GSE1: variants seen among roughly 807,000 people sequenced by gnomAD.
GSE1 encodes the protein genetic suppressor element 1.
GSE1 carries 32 observed loss-of-function variants against 112.6 expected under a neutral mutation model. The observed-to-expected ratio is 0.28, with a 90% CI of 0.21 to 0.38. The LOEUF (loss-of-function observed/expected upper bound fraction) is 0.38, where lower values mean the gene tolerates loss of function less well. Among genes scored for constraint, GSE1 ranks in the 10% least tolerant of loss-of-function variants. The probability of loss-of-function intolerance (pLI) is 1.00; values close to 1 mark genes in which losing one functional copy is unlikely to be tolerated. For missense variants in GSE1, 2,348 were observed against 1,699.2 expected (o/e 1.38, Z -6.71); for synonymous variants, 1,115 against 735.6 (o/e 1.52, Z -8.35).
In GSE1 at chr16:85,420,010, C is replaced by T. The variant is rs143380608; in HGVS notation, c.2464+62367C>T. Among the ~76,000 whole-genome samples the T allele has an allele frequency of 3.4e-3, 521 of 152,280 alleles. 2 individuals are homozygous for T. The highest frequency in any genetic ancestry group is 4.9e-3 in the Non-Finnish European group (335 of 68,008). On this transcript the variant is annotated intron_variant, in intron 2 of 2. Transcript: ENST00000637419. ...GGTCTGTGAATGCTGAGCTTGACAT[C>T]GGGGCCAGGGATGCTGAACAGAACA...
At chr16:85,671,378 T>C (rs888453131) in intron 15 of GSE1, among the ~76,000 whole-genome samples, 1 of 138,812 alleles carries the variant, frequency 7.2e-6, no homozygotes, top group African/African-American at 2.7e-5. Context: ...AGGCGGAGCT[T>C]GCAGTGAGCC....
chr16:85,356,628 C>T (rs2046956232), intron 1 of GSE1, among the ~76,000 whole-genome samples: 1 of 152,228 alleles, frequency 6.6e-6, no homozygotes, highest in South Asian at 2.1e-4. Context: ...ACATCACAAT[C>T]ACAGCCTTCC....
intron 2 of GSE1, among the ~76,000 whole-genome samples, chr16:85,444,681 C>T (rs934886053): frequency 7.9e-5 from 12 of 152,132 alleles, no homozygotes; most frequent in Non-Finnish European, 1.6e-4. Flanking sequence ...CACATGCACA[C>T]GTGCACACAC....
At chr16:85,506,871 A>C (rs1180286932) in intron 2 of GSE1, among the ~76,000 whole-genome samples, 2 of 152,032 alleles carry the variant, frequency 1.3e-5, no homozygotes, top group African/African-American at 2.4e-5. Context: ...AGTGCCAGCA[A>C]CCCAGCAATC....
At chr16:85,464,346 G>C (rs951297996) in intron 2 of GSE1, among the ~76,000 whole-genome samples, 6 of 152,166 alleles carry the variant, frequency 3.9e-5, no homozygotes, top group Admixed American at 1.3e-4. Context: ...GGGCCGGGGT[G>C]GGGGGCAGCC....
At chr16:85,403,676 C>T (rs886213795) in intron 2 of GSE1, among the ~76,000 whole-genome samples, 1 of 152,082 alleles carries the variant, frequency 6.6e-6, no homozygotes, top group Non-Finnish European at 1.5e-5. Flanking sequence ...GTAGCACATG[C>T]CTGTGGTCCC....
chr16:85,397,531 C>G (rs1297983901), intron 2 of GSE1, among the ~76,000 whole-genome samples: 1 of 152,208 alleles, frequency 6.6e-6, no homozygotes, highest in Non-Finnish European at 1.5e-5. Flanking sequence ...TCTGTCTGCC[C>G]CCCGCCGCTG....
At chr16:85,412,665 C>T (rs2048599559) in intron 2 of GSE1, among the ~76,000 whole-genome samples, 1 of 71,794 alleles carries the variant, frequency 1.4e-5, no homozygotes, top group Admixed American at 1.3e-4. Flanking sequence ...CACTCAGGGC[C>T]CCCCTGGATA....
At chr16:85,626,222 C>G (rs1293526202) in intron 1 of GSE1, among the ~76,000 whole-genome samples, 1 of 152,192 alleles carries the variant, frequency 6.6e-6, no homozygotes, top group Non-Finnish European at 1.5e-5. Context: ...CCGCCCCCTC[C>G]CTTGCCTCCA....
intron 1 of GSE1, among the ~76,000 whole-genome samples, chr16:85,300,661 G>C (rs948730393): frequency 6.6e-6 from 1 of 152,196 alleles, no homozygotes; most frequent in East Asian, 1.9e-4. Flanking sequence ...GGAGTGGTCC[G>C]ACCACGTTTT....
chr16:85,548,962 A>G (rs7404854), intron 2 of GSE1, among the ~76,000 whole-genome samples: 138,065 of 152,110 alleles, frequency 0.91, 63,063 homozygotes, highest in East Asian at 0.99. Flanking sequence ...GCTAATTTTT[A>G]TATTTTTAGT....
chr16:85,207,243 C>A (rs552820184), intron 1 of GSE1, among the ~76,000 whole-genome samples: 1 of 152,242 alleles, frequency 6.6e-6, no homozygotes. Context: ...TTGCTCCTCT[C>A]GGCCAGAAGC....
chr16:85,555,891 T>TC (rs1187209216), upstream of GSE1: 5 of 694,260 alleles, frequency 7.2e-6, no homozygotes, highest in Non-Finnish European at 8.6e-6. Context: ...CACCCTCACC[T>TC]CCCCCCTTTA....
intron 2 of GSE1, among the ~76,000 whole-genome samples, chr16:85,423,881 G>A (rs2048908472): frequency 6.6e-6 from 1 of 152,166 alleles, no homozygotes; most frequent in African/African-American, 2.4e-5. Context: ...GGACATCTTC[G>A]GGGAAGACCC....
chr16:85,335,035 T>G (rs2046453433), intron 1 of GSE1, among the ~76,000 whole-genome samples: 1 of 152,218 alleles, frequency 6.6e-6, no homozygotes, highest in Non-Finnish European at 1.5e-5. Context: ...TCGGATGCTA[T>G]CTGTACAAGC....
intron 2 of GSE1, among the ~76,000 whole-genome samples, chr16:85,469,200 G>C (rs1168862267): frequency 6.6e-6 from 1 of 151,992 alleles, no homozygotes; most frequent in Non-Finnish European, 1.5e-5. Context: ...AGGTTGCAGT[G>C]AGCCGAGATC....
chr16:85,588,389 G>C (rs1029059269), intron 1 of GSE1, among the ~76,000 whole-genome samples: 1 of 152,192 alleles, frequency 6.6e-6, no homozygotes, highest in Admixed American at 6.5e-5. Flanking sequence ...GTCCCAGCCT[G>C]GGCCTGCTAG....
intron 2 of GSE1, among the ~76,000 whole-genome samples, chr16:85,515,445 G>A (rs1427837785): frequency 6.6e-6 from 1 of 152,224 alleles, no homozygotes; most frequent in Admixed American, 6.5e-5. Flanking sequence ...TCGGGGCCTG[G>A]GGTCACCCTG....
At chr16:85,332,018 C>G (rs1012767448) in intron 1 of GSE1, among the ~76,000 whole-genome samples, 6 of 152,086 alleles carry the variant, frequency 3.9e-5, no homozygotes, top group African/African-American at 1.4e-4. Flanking sequence ...TGCTTCCTGC[C>G]TCAAAGTAGA....
Sources: gnomAD v4.1 joint callset for allele counts (sites outside exome capture counted in the v4.1 genomes callset) on GRCh38, gnomAD v4.1.1 for gene constraint, MANE v1.5 for transcripts, NCBI Gene and HGNC (gene_info 2026-07-23, HGNC 2026-07-21) for gene names.